The following SLIT3 variants were observed in gnomAD, a reference collection of about 807,000 sequenced individuals.
SLIT3 encodes slit homolog 3 protein.
SLIT3 carries 68 observed loss-of-function variants against 184.0 expected under a neutral mutation model. That is an observed-to-expected ratio of 0.37 (90% CI 0.30 to 0.45). The LOEUF is 0.45. Among genes scored for constraint, SLIT3 ranks in the 20% least tolerant of loss-of-function variants. SLIT3 has a pLI of 1.00. For missense variants in SLIT3, 1,707 were observed against 2,026.0 expected (o/e 0.84, Z 3.02); for synonymous variants, 831 against 828.6 (o/e 1.00, Z -0.05).
chr5:169,016,903 G>A (rs1561609562), intron 4 of SLIT3, among the ~76,000 whole-genome samples: 1 of 152,158 alleles, frequency 6.6e-6, no homozygotes, highest in Non-Finnish European at 1.5e-5. Flanking sequence ...GCTACTTGAG[G>A]GAGGAACAGA....
intron 21 of SLIT3, 143 bp downstream of exon 21, chr5:168,724,273 G>A (rs1763035887): frequency 4.2e-6 from 2 of 477,966 alleles, no homozygotes; most frequent in Non-Finnish European, 7.4e-6. Context: ...TTGCAGACTG[G>A]CTTCTGGTCC....
At chr5:168,963,715 T>G (rs1342588457) in intron 4 of SLIT3, among the ~76,000 whole-genome samples, 6 of 152,230 alleles carry the variant, frequency 3.9e-5, no homozygotes, top group Non-Finnish European at 8.8e-5. Flanking sequence ...GATAGGCAGT[T>G]GCTGCGAGAC....
chr5:169,283,258 G>A (rs1413046765), intron 1 of SLIT3, among the ~76,000 whole-genome samples: 2 of 152,210 alleles, frequency 1.3e-5, no homozygotes, highest in Non-Finnish European at 2.9e-5. Context: ...TTGAGTGAAA[G>A]GGAATTCTCT....
intron 4 of SLIT3, among the ~76,000 whole-genome samples, chr5:168,905,982 G>A (rs1164206198): frequency 6.6e-6 from 1 of 152,198 alleles, no homozygotes; most frequent in Non-Finnish European, 1.5e-5. Flanking sequence ...AAGATCTATT[G>A]AGGACTCAGC....
intron 1 of SLIT3, among the ~76,000 whole-genome samples, chr5:169,257,368 C>A (rs1388620191): frequency 6.9e-6 from 1 of 145,856 alleles, no homozygotes; most frequent in African/African-American, 2.5e-5. Context: ...CACAGCCCCC[C>A]ACCCCAACCT....
At chr5:169,278,018 C>T (rs1023152985) in intron 1 of SLIT3, among the ~76,000 whole-genome samples, 3 of 152,186 alleles carry the variant, frequency 2.0e-5, no homozygotes, top group Non-Finnish European at 4.4e-5. Flanking sequence ...CACCACTGCA[C>T]GAGGTGCACA....
chr5:168,746,395 G>A (rs896627794), intron 20 of SLIT3, among the ~76,000 whole-genome samples: 1 of 67,698 alleles, frequency 1.5e-5, no homozygotes, highest in Non-Finnish European at 3.0e-5. Context: ...TGGGTGTGTG[G>A]TGTCTGGTGG....
chr5:169,271,751 C>T (rs759348590), intron 1 of SLIT3, among the ~76,000 whole-genome samples: 11 of 152,192 alleles, frequency 7.2e-5, no homozygotes, highest in Non-Finnish European at 1.3e-4. Context: ...AAAGCACTTG[C>T]CACTCCCATT....
intron 3 of SLIT3, among the ~76,000 whole-genome samples, chr5:169,242,723 T>C (rs1390637306): frequency 6.6e-6 from 1 of 152,152 alleles, no homozygotes; most frequent in African/African-American, 2.4e-5. Flanking sequence ...TGAGGGTTTA[T>C]CTAGCACAGC....
chr5:169,106,836 C>T (rs1265313408), intron 4 of SLIT3, among the ~76,000 whole-genome samples: 1 of 152,202 alleles, frequency 6.6e-6, no homozygotes, highest in South Asian at 2.1e-4. Context: ...AAGCAAAAGT[C>T]CTTCAGTTTT....
At chr5:169,170,867 C>G (rs1233250094) in intron 4 of SLIT3, among the ~76,000 whole-genome samples, 1 of 152,090 alleles carries the variant, frequency 6.6e-6, no homozygotes, top group African/African-American at 2.4e-5. Context: ...AAATCCTTGA[C>G]TTTGACCAAT....
At chr5:168,973,513 T>A (rs913692539) in intron 4 of SLIT3, among the ~76,000 whole-genome samples, 1 of 152,216 alleles carries the variant, frequency 6.6e-6, no homozygotes, top group African/African-American at 2.4e-5. Flanking sequence ...TCCAAAGTGC[T>A]AGGATTATAG....
intron 11 of SLIT3, among the ~76,000 whole-genome samples, 156 bp from the exon 12 acceptor site, chr5:168,786,134 G>T (rs1756145485): frequency 6.6e-6 from 1 of 152,186 alleles, no homozygotes; most frequent in Non-Finnish European, 1.5e-5. Flanking sequence ...GCGAGACAGA[G>T]GCAGCCAAGA....
intron 5 of SLIT3, among the ~76,000 whole-genome samples, chr5:168,846,832 A>C (rs1458614326): frequency 6.6e-6 from 1 of 152,248 alleles, no homozygotes; most frequent in Non-Finnish European, 1.5e-5. Context: ...GAAATCAAAC[A>C]GGAGACTCTA....
chr5:169,231,323 A>T (rs1357039630), intron 3 of SLIT3, among the ~76,000 whole-genome samples: 3 of 152,214 alleles, frequency 2.0e-5, no homozygotes, highest in Non-Finnish European at 4.4e-5. Flanking sequence ...ATCAAGAAAC[A>T]GCTGATGACA....
rs1757627047 is a variant in SLIT3, at chr5:168,824,162, C to G, written c.558-831G>C. Among the ~76,000 whole-genome samples, 3 of 152,176 alleles carry G rather than the reference C, an allele frequency of 2.0e-5. No homozygotes were observed. In the South Asian group the frequency reaches 6.2e-4, roughly 31 times the overall value. On this transcript the variant is annotated intron_variant, in intron 6 of 35. Transcript: ENST00000519560. ...ATGTGGGCCAGGCTGGGCTCAAACT[C>G]CTTGACCTCACATGATCCACCCCGC...
At chr5:168,883,099 G>A (rs969007145) in intron 5 of SLIT3, among the ~76,000 whole-genome samples, 166 bp downstream of exon 5, 2 of 152,184 alleles carry the variant, frequency 1.3e-5, no homozygotes, top group Non-Finnish European at 2.9e-5. Flanking sequence ...TTCTGTGACA[G>A]TATTGTGGCA....
At chr5:168,988,072 C>T (rs1225851943) in intron 4 of SLIT3, among the ~76,000 whole-genome samples, 1 of 152,216 alleles carries the variant, frequency 6.6e-6, no homozygotes, top group East Asian at 1.9e-4. Flanking sequence ...TTAGAAACCT[C>T]CCTAGGCTGG....
intron 4 of SLIT3, among the ~76,000 whole-genome samples, chr5:168,931,614 A>G (rs1562012404): frequency 6.6e-6 from 1 of 152,166 alleles, no homozygotes; most frequent in Non-Finnish European, 1.5e-5. Context: ...GTATACGATG[A>G]GGGGATAGGA....
Sources: allele counts gnomAD v4.1 joint callset (sites outside exome capture counted in the v4.1 genomes callset), GRCh38; gene constraint gnomAD v4.1.1; transcripts MANE v1.5; gene names NCBI Gene and HGNC (gene_info 2026-07-23, HGNC 2026-07-21).